Variants in FAM89A observed in about 807,000 individuals in gnomAD.
FAM89A encodes protein FAM89A.
FAM89A carries 10 observed loss-of-function variants against 7.1 expected under a neutral mutation model. That is an observed-to-expected ratio of 1.40 (90% CI 0.86 to 2.38). The LOEUF (loss-of-function observed/expected upper bound fraction) is 2.38. FAM89A is among the 30% of genes most tolerant of loss of function. The pLI is 0.00. For synonymous variants in FAM89A, 157 were observed against 129.3 expected (o/e 1.21, Z -1.45); for missense variants, 276 against 262.8 (o/e 1.05, Z -0.35).
intron 1 of FAM89A, chr1:231,026,045 A>G (rs1283857937): frequency 2.6e-5 from 4 of 153,134 alleles, no homozygotes; most frequent in Non-Finnish European, 5.9e-5. Flanking sequence ...ACCAGCTGAG[A>G]AACTGTGGAT....
In FAM89A at chr1:231,019,112, T is replaced by C. The variant is rs1679823628; in HGVS notation, c.*751A>G. The C allele has an allele frequency of 1.3e-5, 2 of 152,050 alleles. No individual in the cohort carries two copies. Among genetic ancestry groups the C allele is most frequent in the African/African-American group, 4.8e-5 (2 of 41,488 alleles). The allele number at this position is 152,050 out of a possible 1,614,324, so 9.4% of individuals were successfully genotyped here. A position where few individuals can be genotyped will look rare whatever the true frequency, so the allele number is the denominator to read the frequency against. On this transcript the variant is annotated 3_prime_UTR_variant, in exon 2 of 2. Coordinates refer to ENST00000366654, the MANE Select transcript of FAM89A (RefSeq NM_198552.3). ...TAGTTTACATTCGGAATCTTAAAAA[T>C]GAAAACATTTGCCATCTTACAGTGA...
intron 1 of FAM89A, chr1:231,022,175 CATATA>C (rs1679891220): frequency 4.8e-6 from 5 of 1,041,796 alleles, no homozygotes; most frequent in African/African-American, 4.7e-5. Context: ...CCACTCCATT[CATATA>C]TGAAGTATTC....
intron 1 of FAM89A, chr1:231,021,581 G>C (rs146755008): frequency 7.7e-7 from 1 of 1,299,626 alleles, no homozygotes; most frequent in Non-Finnish European, 1.1e-6. Context: ...TTCCTTTTCT[G>C]TTAGGAAACG....
intron 1 of FAM89A, among the ~76,000 whole-genome samples, chr1:231,023,484 AAAAC>A (rs544065695): frequency 2.6e-5 from 4 of 152,338 alleles, no homozygotes; most frequent in South Asian, 2.1e-4. Context: ...GGCTTCAAGC[AAAAC>A]AAACAGCCTT....
rs1679840327 is a variant in FAM89A, at chr1:231,019,868, T to C, written c.550A>G (p.Ile184Val). The C allele has an allele frequency of 6.2e-7, 1 of 1,613,762 alleles. No homozygotes were observed. Among genetic ancestry groups the C allele is most frequent in the Non-Finnish European group, 8.5e-7 (1 of 1,179,800 alleles). Residue 184 changes from isoleucine to valine, a missense_variant, in exon 2 of 2, where the codon ATC (isoleucine) becomes GTC (valine). Physicochemically the swap from Ile to Val is conservative, Grantham distance 29. Transcript: ENST00000366654. Reference protein sequence around the residue: ...LSSSDWILESI With the variant: ...LSSSDWILESV ...CACATCCCTCCCAAGACCCTCTAGA[T>C]GGACTCCAGAATCCAGTCGCTGCTG...
chr1:231,032,267 A>T (rs906336872), intron 1 of FAM89A, among the ~76,000 whole-genome samples: 1 of 152,170 alleles, frequency 6.6e-6, no homozygotes, highest in African/African-American at 2.4e-5. Flanking sequence ...CAGAGTTTTT[A>T]AAAAATGCAA....
chr1:231,038,677 A>G (rs1300319470), intron 1 of FAM89A, among the ~76,000 whole-genome samples: 1 of 152,252 alleles, frequency 6.6e-6, no homozygotes, highest in Non-Finnish European at 1.5e-5. Flanking sequence ...AAATCACTTC[A>G]ATGCCAGCTA....
chr1:231,036,121 A>G (rs902080195), intron 1 of FAM89A, among the ~76,000 whole-genome samples: 1 of 152,242 alleles, frequency 6.6e-6, no homozygotes, highest in African/African-American at 2.4e-5. Context: ...TGGATTCCCC[A>G]TAAGCCCTAG....
At chr1:231,027,047 A>G (rs999987990) in intron 1 of FAM89A, 4 of 152,236 alleles carry the variant, frequency 2.6e-5, no homozygotes, top group Non-Finnish European at 5.9e-5. Context: ...CTGGTATCAG[A>G]GCAGGTCTGC....
intron 1 of FAM89A, chr1:231,021,853 G>A (rs1679884907): frequency 1.3e-6 from 2 of 1,595,728 alleles, no homozygotes; most frequent in South Asian, 2.2e-5. Flanking sequence ...GGAATGCTAG[G>A]AGGCTGCCCC....
chr1:231,031,091 C>G (rs947422703), intron 1 of FAM89A, among the ~76,000 whole-genome samples: 1 of 150,480 alleles, frequency 6.6e-6, no homozygotes, highest in Admixed American at 6.7e-5. Flanking sequence ...GCCTGGGCAA[C>G]AGAGTGAGAC....
intron 1 of FAM89A, among the ~76,000 whole-genome samples, chr1:231,022,584 A>G (rs890619666): frequency 2.0e-5 from 3 of 152,138 alleles, no homozygotes; most frequent in Non-Finnish European, 4.4e-5. Context: ...ACATTGACCA[A>G]GCCAGACCCG....
rs1164512543 is a variant in FAM89A, at chr1:231,019,787, G to C, written c.*76C>G. The C allele has an allele frequency of 1.3e-6, 2 of 1,521,622 alleles. No homozygotes were observed. Among genetic ancestry groups the C allele is most frequent in the Admixed American group, 1.9e-5 (1 of 52,844 alleles). The allele number at this position is 1,521,622 out of a possible 1,614,324, so 94.3% of individuals were successfully genotyped here. The stretch of plus-strand genomic sequence containing the variant: ...CCGTCCACAACGGAGGTGCTTTCTT[G>C]CAAGAGAAGCAGCAAATGATGACAG... On this transcript the variant is annotated 3_prime_UTR_variant, in exon 2 of 2. Transcript: ENST00000366654.
chr1:231,024,921 T>TC (rs1679938794), intron 1 of FAM89A, among the ~76,000 whole-genome samples: 1 of 136,240 alleles, frequency 7.3e-6, no homozygotes, highest in Non-Finnish European at 1.6e-5. Flanking sequence ...ACTCTTTTTT[T>TC]TTTTTTTTTT....
intron 1 of FAM89A, 72 bp from the exon 2 acceptor site, chr1:231,020,198 C>T: frequency 1.4e-6 from 2 of 1,451,468 alleles, no homozygotes; most frequent in Non-Finnish European, 1.8e-6. Context: ...GAACACTCAG[C>T]CGGCGATCTG....
At chr1:231,021,110 T>C (rs4304565) in intron 1 of FAM89A, among the ~76,000 whole-genome samples, 50,435 of 152,116 alleles carry the variant, frequency 0.33, 8,628 homozygotes, top group Admixed American at 0.42. Flanking sequence ...CAAGCCCCTA[T>C]GGTGATTCCG....
At chr1:231,022,027 T>A (rs761210603) in intron 1 of FAM89A, 1 of 1,373,428 alleles carries the variant, frequency 7.3e-7, no homozygotes, top group Non-Finnish European at 1.0e-6. Flanking sequence ...TGGACAGATA[T>A]TCAGAGATCG....
intron 1 of FAM89A, among the ~76,000 whole-genome samples, chr1:231,032,152 T>C (rs4658874): frequency 0.55 from 82,929 of 152,110 alleles, 23,518 homozygotes; most frequent in Non-Finnish European, 0.62. Flanking sequence ...GTATGAAGAT[T>C]TAACAGTCAT....
chr1:231,034,773 A>T lies in FAM89A; in HGVS notation c.291+5148T>A, dbSNP rs938630152. Among the ~76,000 whole-genome samples, 62 of 6,468 alleles carry T rather than the reference A, an allele frequency of 9.6e-3. 1 individual carries two copies. Among genetic ancestry groups the T allele is most frequent in the South Asian group, 0.014 (3 of 210 alleles). 4.2% of individuals were successfully genotyped at this position (6,468 alleles called of 152,430 possible). ...GGCAACAAGATAGAAACTCTGTCTC[A>T]AAAAAAAAAAAAAAAAAAAAAAGGC... is the stretch of plus-strand genomic sequence containing the variant. On this transcript the variant is annotated intron_variant, in intron 1 of 1. Coordinates refer to ENST00000366654, the MANE Select transcript of FAM89A (RefSeq NM_198552.3).
Sources: gnomAD v4.1 joint callset for allele counts (sites outside exome capture counted in the v4.1 genomes callset) on GRCh38, gnomAD v4.1.1 for gene constraint, MANE v1.5 for transcripts, NCBI Gene and HGNC (gene_info 2026-07-23, HGNC 2026-07-21) for gene names.